The following IL1RAPL1 variants were observed in gnomAD, a reference collection of about 807,000 sequenced individuals.
The protein encoded by IL1RAPL1 is interleukin 1 receptor accessory protein like 1.
In IL1RAPL1, 3 loss-of-function variants were observed where a neutral mutation model predicts 48.4. That is an observed-to-expected ratio of 0.06 (90% confidence interval 0.03 to 0.16). The LOEUF (loss-of-function observed/expected upper bound fraction) is 0.16. Ranked by LOEUF, IL1RAPL1 falls within the 10% of genes least tolerant of loss-of-function variation. The pLI, the probability that IL1RAPL1 is intolerant of heterozygous loss-of-function variation, is 1.00. For missense variants in IL1RAPL1, 349 were observed against 530.6 expected (o/e 0.66, Z 3.36); for synonymous variants, 185 against 187.7 (o/e 0.99, Z 0.12).
At chrX:28,815,884 T>TATATATAA in intron 2 of IL1RAPL1, among the ~76,000 whole-genome samples, 1 of 73,298 alleles carries the variant, frequency 1.4e-5, no homozygotes, top group Non-Finnish European at 2.7e-5. Context: ...TATATATATA[T>TATATATAA]AATTTTTTTC....
At chrX:29,112,006 T>C (rs2147470942) in intron 2 of IL1RAPL1, among the ~76,000 whole-genome samples, 1 of 100,327 alleles carries the variant, frequency 1.0e-5, no homozygotes, top group African/African-American at 3.6e-5. Flanking sequence ...CTTGGCTTAC[T>C]GCAACCTCCA....
chrX:29,227,126 C>T (rs1024457655), intron 2 of IL1RAPL1, among the ~76,000 whole-genome samples: 1 of 108,856 alleles, frequency 9.2e-6, no homozygotes, highest in Admixed American at 9.9e-5. Flanking sequence ...TTCTAAAATG[C>T]AATCATTAGC....
intron 5 of IL1RAPL1, among the ~76,000 whole-genome samples, 187 bp from the exon 6 acceptor site, chrX:29,668,243 C>T (rs962629218): frequency 1.8e-5 from 2 of 112,411 alleles, no homozygotes; most frequent in Non-Finnish European, 3.8e-5. Context: ...ATTTTACTCA[C>T]GTACAATCTA....
intron 5 of IL1RAPL1, among the ~76,000 whole-genome samples, chrX:29,450,142 T>C (rs183124340): frequency 8.9e-6 from 1 of 111,887 alleles, no homozygotes; most frequent in Non-Finnish European, 1.9e-5. Context: ...CTGACAAATA[T>C]AAGTCAATTT....
rs778472526 is a variant in IL1RAPL1 at position 29,572,924 on chromosome X, A to C, written c.704-95506A>C. Among the ~76,000 whole-genome samples, 41 of 112,806 alleles carry C rather than the reference A, an allele frequency of 3.6e-4. No homozygotes were observed. In the South Asian group the frequency reaches 7.3e-3, roughly 20 times the overall value. ...CCTGAAATTAATACATTAAAATAAC[A>C]GAAAAATAGTGTTATCTTAGTCTGT... On this transcript the variant is annotated intron_variant, in intron 5 of 10. Coordinates refer to ENST00000378993, the MANE Select transcript of IL1RAPL1 (RefSeq NM_014271.4).
intron 2 of IL1RAPL1, among the ~76,000 whole-genome samples, chrX:29,078,311 CAAAAACA>C (rs1927727372): frequency 8.9e-6 from 1 of 111,752 alleles, no homozygotes; most frequent in Admixed American, 9.4e-5. Flanking sequence ...AAAACAAAAA[CAAAAACA>C]AAAAACAAAA....
At chrX:29,319,218 G>A (rs1932784821) in intron 3 of IL1RAPL1, among the ~76,000 whole-genome samples, 1 of 98,510 alleles carries the variant, frequency 1.0e-5, no homozygotes, top group South Asian at 4.5e-4. Flanking sequence ...TTGAGACAAG[G>A]TCTTACTCTA....
intron 1 of IL1RAPL1, among the ~76,000 whole-genome samples, chrX:28,719,502 A>T (rs779645989): frequency 4.5e-5 from 5 of 110,857 alleles, no homozygotes; most frequent in African/African-American, 1.6e-4. Context: ...AAATAAAAAC[A>T]GTAGTATGGA....
intron 2 of IL1RAPL1, among the ~76,000 whole-genome samples, chrX:28,852,811 T>C (rs1360913746): frequency 9.0e-6 from 1 of 111,267 alleles, no homozygotes; most frequent in Non-Finnish European, 1.9e-5. Flanking sequence ...AATTGGTGCC[T>C]GAATGCTCGC....
intron 5 of IL1RAPL1, among the ~76,000 whole-genome samples, chrX:29,573,573 A>G (rs1036108941): frequency 1.8e-5 from 2 of 112,317 alleles, no homozygotes; most frequent in African/African-American, 3.2e-5. Context: ...CTGCAGAGCA[A>G]CATGCACTGA....
chrX:28,662,343 A>G (rs1170025110), intron 1 of IL1RAPL1, among the ~76,000 whole-genome samples: 1 of 111,617 alleles, frequency 9.0e-6, no homozygotes, highest in Non-Finnish European at 1.9e-5. Flanking sequence ...TTCAGGTAGC[A>G]ATGTTGAAGA....
At chrX:29,339,189 G>A (rs1349959405) in intron 3 of IL1RAPL1, among the ~76,000 whole-genome samples, 2 of 110,026 alleles carry the variant, frequency 1.8e-5, no homozygotes, top group African/African-American at 6.6e-5. Context: ...TATAAGAAAG[G>A]CAACTTGACA....
intron 6 of IL1RAPL1, among the ~76,000 whole-genome samples, chrX:29,674,960 G>A (rs1013216199): frequency 5.3e-5 from 6 of 112,190 alleles, no homozygotes; most frequent in Non-Finnish European, 1.1e-4. Flanking sequence ...TAAAAAAATC[G>A]AATCTGCTAT....
At chrX:29,317,972 A>C (rs1346809813) in intron 3 of IL1RAPL1, among the ~76,000 whole-genome samples, 1 of 112,080 alleles carries the variant, frequency 8.9e-6, no homozygotes, top group Non-Finnish European at 1.9e-5. Context: ...TATTATCTTC[A>C]TTTAAATAAT....
In IL1RAPL1 at chrX:28,747,099, C is replaced by G. The variant is rs538349795; in HGVS notation, c.-24-42221C>G. Among the ~76,000 whole-genome samples the G allele has an allele frequency of 6.3e-5, 7 of 111,083 alleles. No homozygotes were observed. The South Asian group carries it at 2.7e-3, about 42-fold the overall frequency. On this transcript the variant is annotated intron_variant, in intron 1 of 10. Coordinates refer to ENST00000378993, the MANE Select transcript of IL1RAPL1 (RefSeq NM_014271.4). ...CATTCTAGTCTAAACATCGCAAGAG[C>G]AGTAGAATGTTTAAATTCTGATTTC...
chrX:29,847,486 C>G (rs145769984), intron 6 of IL1RAPL1, among the ~76,000 whole-genome samples: 1 of 111,949 alleles, frequency 8.9e-6, no homozygotes, highest in Non-Finnish European at 1.9e-5. Flanking sequence ...AAACAAAATA[C>G]AGCATCATTT....
intron 5 of IL1RAPL1, among the ~76,000 whole-genome samples, chrX:29,632,619 T>C (rs1463044359): frequency 1.8e-5 from 2 of 112,081 alleles, no homozygotes; most frequent in Non-Finnish European, 3.8e-5. Context: ...TGAAATAGCA[T>C]TCTTAATCTT....
At chrX:28,790,535 C>G (rs1936525260) in intron 2 of IL1RAPL1, among the ~76,000 whole-genome samples, 1 of 112,603 alleles carries the variant, frequency 8.9e-6, no homozygotes. Context: ...GGGCATTGTG[C>G]ATGGACAAAG....
chrX:29,859,465 AC>A (rs1931535732), intron 6 of IL1RAPL1, among the ~76,000 whole-genome samples: 2 of 111,543 alleles, frequency 1.8e-5, no homozygotes, highest in Non-Finnish European at 3.8e-5. Flanking sequence ...ACCAAAAGTT[AC>A]CCAAAGCCCT....
Sources: allele counts gnomAD v4.1 joint callset (sites outside exome capture counted in the v4.1 genomes callset), GRCh38; gene constraint gnomAD v4.1.1; transcripts MANE v1.5; gene names NCBI Gene and HGNC (gene_info 2026-07-23, HGNC 2026-07-21).